Variants in HM13 observed in about 807,000 individuals in gnomAD.
HM13 encodes the protein signal peptide peptidase.
HM13 carries 18 observed loss-of-function variants against 50.0 expected under a neutral mutation model. That is an observed-to-expected ratio of 0.36 (90% CI 0.25 to 0.53). The LOEUF is 0.53. HM13 is among the 20% of genes least tolerant of loss of function. The probability of loss-of-function intolerance (pLI) is 0.90; values close to 1 mark genes in which losing one functional copy is unlikely to be tolerated. For missense variants in HM13, 393 were observed against 552.4 expected (o/e 0.71, Z 2.89); for synonymous variants, 197 against 232.6 (o/e 0.85, Z 1.39).
At chr20:31,557,959 C>G (rs748641062) in intron 8 of HM13, among the ~76,000 whole-genome samples, 2 of 152,124 alleles carry the variant, frequency 1.3e-5, no homozygotes, top group Admixed American at 1.3e-4. Flanking sequence ...CCGCCTGCCT[C>G]GGCCTCCCAA....
chr20:31,549,242 C>T lies in HM13; in HGVS notation c.576C>T (p.Phe192=), dbSNP rs745947394. 3 of 1,614,102 alleles carry T rather than the reference C, an allele frequency of 1.9e-6. No individual in the cohort carries two copies. Among genetic ancestry groups the T allele is most frequent in the East Asian group, 2.2e-5 (1 of 44,890 alleles). ...WIANNLFGLA[F]SLNGVELLHL... is the part of the protein sequence containing the mutation. ...CCAACAACCTTTTTGGCCTGGCCTTCTCCCTTAATGGAGTAGAGCTCCTGC... is the reference window on the plus strand; with the variant it reads ...CCAACAACCTTTTTGGCCTGGCCTTTTCCCTTAATGGAGTAGAGCTCCTGC... The change falls in exon 6 of 13, where the codon TTC becomes TTT. Residue 192 remains phenylalanine, a synonymous_variant. Coordinates refer to ENST00000398174, the MANE Select transcript of HM13 (RefSeq NM_178581.3).
At chr20:31,560,155 CAGTG>C (rs1158070668) in intron 9 of HM13, among the ~76,000 whole-genome samples, 1 of 152,186 alleles carries the variant, frequency 6.6e-6, no homozygotes, top group African/African-American at 2.4e-5. Context: ...CTGTTGTAGA[CAGTG>C]AGCACGAGGG....
chr20:31,552,171 G>A (rs1237276769), intron 7 of HM13, among the ~76,000 whole-genome samples: 1 of 152,188 alleles, frequency 6.6e-6, no homozygotes, highest in East Asian at 1.9e-4. Flanking sequence ...GGGTGTGTAA[G>A]CCCAGAGAAC....
intron 4 of HM13, among the ~76,000 whole-genome samples, chr20:31,546,858 T>C (rs969906234): frequency 4.0e-5 from 6 of 150,982 alleles, no homozygotes; most frequent in Admixed American, 2.0e-4. Context: ...AGCCCTGGAG[T>C]TCGAGGCTGC....
chr20:31,568,504 A>G (rs1254124166), intron 12 of HM13, among the ~76,000 whole-genome samples: 1 of 152,242 alleles, frequency 6.6e-6, no homozygotes, highest in African/African-American at 2.4e-5. Flanking sequence ...TTACCATTCA[A>G]GGTATATGTA....
chr20:31,555,951 CAG>C (rs1406571953), intron 8 of HM13, among the ~76,000 whole-genome samples: 1 of 151,702 alleles, frequency 6.6e-6, no homozygotes, highest in Non-Finnish European at 1.5e-5. Context: ...GCTTGGGTGA[CAG>C]AGTGAGACCC....
Position 31,547,019 on chromosome 20 carries a change from C to G in HM13, c.454+1984C>G, listed in dbSNP as rs146956889. ...ATCTCATGCTCCGCCATATACAGCA[C>G]TGGCCCTCGGGTCAGGATAGTGTCA... On this transcript the variant is annotated intron_variant, in intron 4 of 12. Transcript: ENST00000398174. Among the ~76,000 whole-genome samples the G allele has an allele frequency of 2.0e-3, 307 of 152,336 alleles. 2 individuals carry two copies. The highest frequency in any genetic ancestry group is 3.6e-3 in the Non-Finnish European group (246 of 68,024).
intron 1 of HM13, among the ~76,000 whole-genome samples, chr20:31,517,736 T>G (rs1232060214): frequency 6.6e-6 from 1 of 152,030 alleles, no homozygotes; most frequent in South Asian, 2.1e-4. Context: ...TGACAAGATG[T>G]TCAGGAAGCC....
At chr20:31,554,711 C>T in intron 7 of HM13, 35 bp from the exon 8 acceptor site, 1 of 1,582,188 alleles carries the variant, frequency 6.3e-7, no homozygotes, top group Non-Finnish European at 8.7e-7. Flanking sequence ...AACTGGGCTC[C>T]AGCTGACTCC....
intron 1 of HM13, among the ~76,000 whole-genome samples, chr20:31,523,389 A>G (rs969048474): frequency 6.6e-6 from 1 of 151,862 alleles, no homozygotes; most frequent in Non-Finnish European, 1.5e-5. Context: ...CAGCCTCCCA[A>G]GTAGCTGGGA....
chr20:31,543,291 G>A (rs1198849700), intron 3 of HM13, among the ~76,000 whole-genome samples: 2 of 152,032 alleles, frequency 1.3e-5, no homozygotes, highest in East Asian at 3.9e-4. Flanking sequence ...ATGGTTTTTT[G>A]TTTTTGTTTT....
chr20:31,549,687 A>T (rs1176595933), intron 6 of HM13, among the ~76,000 whole-genome samples: 1 of 152,212 alleles, frequency 6.6e-6, no homozygotes, highest in Admixed American at 6.5e-5. Context: ...GGGCATTCAC[A>T]TTCACTCTGA....
In HM13 at chr20:31,569,115, G is replaced by A; in HGVS notation, c.1182-5G>A. ...TTTTATTGTTGTTTTTTTTTTTTTGGTCAGTTATGAGGAGTCAAATCCTAA... is the reference window on the plus strand; with the variant it reads ...TTTTATTGTTGTTTTTTTTTTTTTGATCAGTTATGAGGAGTCAAATCCTAA... On this transcript the variant is annotated splice_polypyrimidine_tract_variant and splice_region_variant and intron_variant, in intron 12 of 12. Transcript: ENST00000398174. The A allele has an allele frequency of 6.9e-7, 1 of 1,459,336 alleles. No homozygotes were observed. The highest frequency in any genetic ancestry group is 1.3e-5 in the South Asian group (1 of 74,644). The allele number at this position is 1,459,336 out of a possible 1,614,324, so 90.4% of individuals were successfully genotyped here. A position where few individuals can be genotyped will look rare whatever the true frequency, so the allele number is the denominator to read the frequency against.
intron 7 of HM13, chr20:31,550,433 C>T (rs538968896): frequency 9.1e-6 from 3 of 328,286 alleles, no homozygotes; most frequent in African/African-American, 6.2e-5. Context: ...GAGAAAACCT[C>T]TAAGCCGAGA....
intron 1 of HM13, among the ~76,000 whole-genome samples, chr20:31,525,969 C>G: frequency 6.6e-6 from 1 of 151,464 alleles, no homozygotes; most frequent in Non-Finnish European, 1.5e-5. Flanking sequence ...CTGCAAAAAA[C>G]ACAAAAATTA....
At chr20:31,545,115 T>A in intron 4 of HM13, 80 bp downstream of exon 4, 9 of 1,106,898 alleles carry the variant, frequency 8.1e-6, no homozygotes, top group Non-Finnish European at 1.2e-5. Flanking sequence ...AATATTGGGG[T>A]TCTCCAATAG....
chr20:31,569,041 G>C, intron 12 of HM13, 79 bp from the exon 13 acceptor site: 1 of 983,408 alleles, frequency 1.0e-6, no homozygotes, highest in Non-Finnish European at 1.5e-6. Context: ...GGATGGGGGT[G>C]GGGGAAGGGG....
chr20:31,540,462 C>G (rs1437382846), intron 3 of HM13: 1 of 152,226 alleles, frequency 6.6e-6, no homozygotes, highest in East Asian at 1.9e-4. Context: ...CACAGCCCAG[C>G]CTCCACCTCA....
intron 10 of HM13, 161 bp from the exon 11 acceptor site, chr20:31,566,049 G>C: frequency 3.9e-6 from 2 of 513,352 alleles, no homozygotes; most frequent in Non-Finnish European, 3.5e-6. Flanking sequence ...ACCCTTGTCT[G>C]GGAGTTAGGA....
Sources: gnomAD v4.1 joint callset for allele counts (sites outside exome capture counted in the v4.1 genomes callset) on GRCh38, gnomAD v4.1.1 for gene constraint, MANE v1.5 for transcripts, NCBI Gene and HGNC (gene_info 2026-07-23, HGNC 2026-07-21) for gene names.